MAPK10: variants seen among roughly 807,000 people sequenced by gnomAD.
MAPK10 encodes mitogen-activated protein kinase 10, also known as JNK3 alpha protein kinase.
In MAPK10, 25 loss-of-function variants were observed where a neutral mutation model predicts 59.3. The ratio of observed to expected loss-of-function variants is 0.42; its 90% confidence interval spans 0.31 to 0.59. MAPK10 has a LOEUF of 0.59. MAPK10 is among the 20% of genes least tolerant of loss of function. The pLI is 0.15. For synonymous variants in MAPK10, 190 were observed against 200.5 expected, an observed-to-expected ratio of 0.95 and a Z score of 0.44; for missense variants, 351 against 568.9, an observed-to-expected ratio of 0.62 and a Z score of 3.90.
intron 2 of MAPK10, among the ~76,000 whole-genome samples, chr4:86,261,403 G>A (rs560810465): frequency 7.2e-5 from 11 of 152,260 alleles, no homozygotes; most frequent in African/African-American, 2.2e-4. Flanking sequence ...TAACTGTCAC[G>A]TGCCTTTTTA....
At position 86,236,860 on chromosome 4, in the gene MAPK10, GTTCT is replaced by G. The variant is rs1273272349; in HGVS notation, c.-6-42457_-6-42454del. ...GGAAACTAGAGGTGGAAGAGAATAG[GTTCT>G]TTATTTTTTCTAAAAAATAAAAAAC... On this transcript the variant is annotated intron_variant, in intron 2 of 13. Transcript: ENST00000641462. 6.6e-5 allele frequency among the ~76,000 whole-genome samples: 10 copies of G among 152,162 alleles called. 1 individual carries two copies. Among genetic ancestry groups the G allele is most frequent in the East Asian group, 1.9e-4 (1 of 5,164 alleles).
At chr4:86,037,481 CTGCATTCCAGCCTGGG>C (rs2040565807) in intron 11 of MAPK10, among the ~76,000 whole-genome samples, 1 of 151,586 alleles carries the variant, frequency 6.6e-6, no homozygotes, top group Admixed American at 6.6e-5. Context: ...GATCACACCA[CTGCATTCCAGCCTGGG>C]TGACTGAGCG....
chr4:86,316,833 G>A (rs1027820999), intron 2 of MAPK10, among the ~76,000 whole-genome samples: 4 of 152,064 alleles, frequency 2.6e-5, no homozygotes, highest in Non-Finnish European at 5.9e-5. Flanking sequence ...CCATCCTAAC[G>A]GCATTAGCGG....
rs1578511022 is a variant in MAPK10 at position 86,013,211 on chromosome 4, C to G, written c.*4017G>C. ...AAATAACAAAATCTTATCCTCTAAT[C>G]ACAAAGAAAATAGCTAAAATAACTA... On this transcript the variant is annotated 3_prime_UTR_variant, in exon 14 of 14. Transcript: ENST00000641462. The G allele has an allele frequency of 6.6e-6, 1 of 152,272 alleles. No homozygotes were observed. The highest frequency in any genetic ancestry group is 1.9e-4 in the East Asian group (1 of 5,184). 9.4% of individuals were successfully genotyped at this position (152,272 alleles called of 1,614,324 possible).
chr4:86,096,318 T>G (rs2054211537), intron 9 of MAPK10, among the ~76,000 whole-genome samples: 1 of 151,926 alleles, frequency 6.6e-6, no homozygotes, highest in Non-Finnish European at 1.5e-5. Context: ...AGAAAAATTT[T>G]TAAAAGAAAA....
In MAPK10 at chr4:86,372,520, A is replaced by AAAAGAAAG. The variant is rs71598410; in HGVS notation, c.-121-17884_-121-17877dup. Among the ~76,000 whole-genome samples, 582 of 90,012 alleles carry AAAAGAAAG rather than the reference A, an allele frequency of 6.5e-3. 16 individuals carry two copies. Among genetic ancestry groups the AAAAGAAAG allele is most frequent in the African/African-American group, 0.019 (344 of 18,568 alleles). 59.1% of individuals were successfully genotyped at this position (90,012 alleles called of 152,430 possible). On this transcript the variant is annotated intron_variant, in intron 1 of 13. Transcript: ENST00000361569. ...GACAGAGTAAGACTCCATCTCAAAC[A>AAAAGAAAG]AAAGAAAGAAAGAAAGAAAGAAAGA...
chr4:86,584,557 T>A (rs1324917696), intron 1 of MAPK10, among the ~76,000 whole-genome samples: 1 of 151,978 alleles, frequency 6.6e-6, no homozygotes, highest in African/African-American at 2.4e-5. Flanking sequence ...AATCCTCCCA[T>A]CTCAGCCTCC....
intron 1 of MAPK10, among the ~76,000 whole-genome samples, chr4:86,419,398 G>T (rs1455899634): frequency 3.9e-5 from 6 of 152,028 alleles, no homozygotes; most frequent in South Asian, 2.1e-4. Context: ...TCTATGGCAT[G>T]ATGTGTATAT....
At chr4:86,042,367 A>G (rs1313380533) in intron 11 of MAPK10, among the ~76,000 whole-genome samples, 2 of 152,180 alleles carry the variant, frequency 1.3e-5, no homozygotes, top group East Asian at 3.9e-4. Flanking sequence ...ACCATACCTA[A>G]TGCATGCTGG....
chr4:86,023,479 T>C (rs1459797952), intron 13 of MAPK10, among the ~76,000 whole-genome samples: 2 of 152,172 alleles, frequency 1.3e-5, no homozygotes, highest in Non-Finnish European at 2.9e-5. Flanking sequence ...AAGACAGCTA[T>C]GATTTTGATA....
chr4:86,473,199 A>C lies in MAPK10; in HGVS notation c.-262-118555T>G, dbSNP rs559482976. Among the ~76,000 whole-genome samples the C allele has an allele frequency of 3.3e-5, 5 of 152,308 alleles. No individual in the cohort carries two copies. The East Asian group carries it at 7.7e-4, about 24-fold the overall frequency. ...CTGCAAAAATGAAATTTTTCTAAAA[A>C]TTTTTGCTTAGAAATTGTGGTCTTA... On this transcript the variant is annotated intron_variant, in intron 1 of 4. Transcript: ENST00000502302.
rs1742489462 is a variant in MAPK10 at position 86,014,384 on chromosome 4, T to C, written c.*2844A>G. ...TGAATGCAGAACATATTATATTCTG[T>C]GAATTTGATAATATCATCACCTCCT... On this transcript the variant is annotated 3_prime_UTR_variant, in exon 14 of 14. Transcript: ENST00000641462. 1 of 151,650 alleles carries C rather than the reference T, an allele frequency of 6.6e-6. No individual in the cohort carries two copies. The highest frequency in any genetic ancestry group is 6.6e-5 in the Admixed American group (1 of 15,194). The allele number at this position is 151,650 out of a possible 1,614,324, so 9.4% of individuals were successfully genotyped here.
At chr4:86,319,981 T>C (rs75460443) in intron 2 of MAPK10, among the ~76,000 whole-genome samples, 1 of 152,322 alleles carries the variant, frequency 6.6e-6, no homozygotes, top group African/African-American at 2.4e-5. Flanking sequence ...TCCTTCTCAG[T>C]CTCTGCTGCA....
chr4:86,499,615 A>C (rs141712852), intron 1 of MAPK10, among the ~76,000 whole-genome samples: 60 of 152,276 alleles, frequency 3.9e-4, no homozygotes, highest in Non-Finnish European at 7.5e-4. Context: ...TTAATCGTTG[A>C]TTTTGCTTGC....
intron 2 of MAPK10, among the ~76,000 whole-genome samples, chr4:86,344,433 A>G (rs1412249965): frequency 6.6e-6 from 1 of 152,172 alleles, no homozygotes; most frequent in Admixed American, 6.6e-5. Flanking sequence ...TCTATCAAAG[A>G]AACTATCCTA....
chr4:86,156,011 G>C (rs2067667407), intron 4 of MAPK10, among the ~76,000 whole-genome samples: 1 of 152,008 alleles, frequency 6.6e-6, no homozygotes, highest in African/African-American at 2.4e-5. Context: ...GGATGAGATA[G>C]AGTGAGACAG....
At chr4:86,577,080 G>C (rs562288666) in intron 1 of MAPK10, among the ~76,000 whole-genome samples, 12 of 152,172 alleles carry the variant, frequency 7.9e-5, no homozygotes, top group African/African-American at 2.9e-4. Context: ...GAGGTGGGAG[G>C]GTTGTCTTTG....
At chr4:86,291,712 C>A (rs1486510683) in intron 2 of MAPK10, among the ~76,000 whole-genome samples, 1 of 152,048 alleles carries the variant, frequency 6.6e-6, no homozygotes, top group Non-Finnish European at 1.5e-5. Context: ...ATTTATATTG[C>A]ATTGGTATTT....
At chr4:86,132,206 A>G (rs899545224) in intron 4 of MAPK10, among the ~76,000 whole-genome samples, 3 of 152,236 alleles carry the variant, frequency 2.0e-5, no homozygotes, top group Admixed American at 6.5e-5. Context: ...TCATTGATAC[A>G]TGTATGAAAC....
Sources: gnomAD v4.1 joint callset for allele counts (sites outside exome capture counted in the v4.1 genomes callset) on GRCh38, gnomAD v4.1.1 for gene constraint, MANE v1.5 for transcripts, NCBI Gene and HGNC (gene_info 2026-07-23, HGNC 2026-07-21) for gene names.